Variants in BRD8 observed in about 807,000 individuals in gnomAD.
BRD8 encodes the protein bromodomain-containing protein 8.
Under a neutral mutation model 143.1 loss-of-function variants are expected in BRD8, and 67 were observed. That is an observed-to-expected ratio of 0.47 (90% CI 0.38 to 0.57). The LOEUF (loss-of-function observed/expected upper bound fraction) is 0.57. BRD8 is among the 20% of genes least tolerant of loss of function. The probability of loss-of-function intolerance (pLI) is 0.00; values close to 1 mark genes in which losing one functional copy is unlikely to be tolerated. For synonymous variants in BRD8, 505 were observed against 517.1 expected (o/e 0.98, Z 0.32); for missense variants, 1,103 against 1,503.0 (o/e 0.73, Z 4.40).
chr5:138,177,756 A>C, intron 1 of BRD8, 89 bp from the exon 2 acceptor site: 1 of 740,554 alleles, frequency 1.4e-6, no homozygotes, highest in Non-Finnish European at 2.3e-6. Context: ...GAGGACTAAA[A>C]GCCTAATACA....
chr5:138,159,942 G>A lies in BRD8; in HGVS notation c.2532+127C>T, dbSNP rs866253029. 200 of 702,628 alleles carry A rather than the reference G, an allele frequency of 2.8e-4. 1 individual carries two copies. Among genetic ancestry groups the A allele is most frequent in the Middle Eastern group, 2.8e-3 (7 of 2,498 alleles). The allele number at this position is 702,628 out of a possible 1,614,324, so 43.5% of individuals were successfully genotyped here. ...TGGGTGCAAACCACCATCATTCTAA[G>A]ATCTATGTGTCTGTATATCATTGGA... On this transcript the variant is annotated intron_variant, in intron 19 of 26. Transcript: ENST00000254900.
At chr5:138,168,493 G>T in intron 8 of BRD8, 1 of 1,604,978 alleles carries the variant, frequency 6.2e-7, no homozygotes, top group Non-Finnish European at 8.5e-7. Context: ...GTAGGCAGGA[G>T]GCTGCCCTTC....
At chr5:138,165,716 ACT>A (rs1019841075) in intron 11 of BRD8, 110 bp downstream of exon 11, 3 of 1,169,796 alleles carry the variant, frequency 2.6e-6, no homozygotes, top group African/African-American at 3.3e-5. Flanking sequence ...AAAGAGCAAG[ACT>A]CTGTCTCCAA....
intron 2 of BRD8, chr5:138,177,312 C>G: frequency 3.9e-6 from 1 of 256,148 alleles, no homozygotes. Flanking sequence ...GGGGGATCAC[C>G]TGAGGTCAGG....
rs1752307557 is a variant in BRD8 at position 138,149,798 on chromosome 5, CT to C, written c.3121-2del. 2 of 1,593,416 alleles carry C rather than the reference CT, an allele frequency of 1.3e-6. No homozygotes were observed. The highest frequency in any genetic ancestry group is 1.7e-6 in the Non-Finnish European group (2 of 1,173,942). On this transcript the variant is annotated splice_acceptor_variant, in intron 22 of 26. Transcript: ENST00000254900. LOFTEE classifies it high-confidence loss of function. ...CTTTGGATTCTTGCTGAGCCTCCCC[CT>C]AGGAATGCCAGGAAACAGGAAACTT... is the stretch of plus-strand genomic sequence containing the variant.
Position 138,160,975 on chromosome 5 carries a change from C to G in BRD8, c.2343G>C (p.Gln781His), listed in dbSNP as rs1310842146. 1 of 1,614,030 alleles carries G rather than the reference C, an allele frequency of 6.2e-7. No individual in the cohort carries two copies. The change falls in exon 18 of 27, where the codon CAG becomes CAC. Residue 781 changes from glutamine to histidine, a missense_variant. Around this residue, in one of 7 missense-constraint regions of BRD8, gnomAD observed 64 missense variants for 211.3 expected, o/e 0.30. Transcript: ENST00000254900. ...EFQRDIMLMF[Q>H]NAVMYNSSDH... is the part of the protein sequence containing the mutation. ...CTGAGCTATTGTACATTACAGCATT[C>G]TGAAACATCAGCATAATGTCACGCT...
intron 1 of BRD8, 71 bp from the exon 2 acceptor site, chr5:138,177,738 C>T (rs1754476752): frequency 5.4e-6 from 5 of 926,164 alleles, no homozygotes; most frequent in Non-Finnish European, 5.0e-6. Context: ...CTCCAAAATC[C>T]CCAAAAAGAG....
In BRD8 at chr5:138,139,887, C is replaced by T; in HGVS notation, c.*187G>A. ...GCAACATTTATGGCATAAATCCAAA[C>T]CTCAGCTTCCCCTTTTTTTCTTTAT... On this transcript the variant is annotated 3_prime_UTR_variant, in exon 27 of 27. Transcript: ENST00000254900. The T allele has an allele frequency of 3.6e-6, 2 of 549,708 alleles. No homozygotes were observed. The highest frequency in any genetic ancestry group is 3.2e-6 in the Non-Finnish European group (1 of 310,732). The allele number at this position is 549,708 out of a possible 1,614,324, so 34.1% of individuals were successfully genotyped here.
intron 11 of BRD8, among the ~76,000 whole-genome samples, chr5:138,165,613 C>T (rs1295010389): frequency 6.6e-6 from 1 of 151,784 alleles, no homozygotes; most frequent in Non-Finnish European, 1.5e-5. Flanking sequence ...GTAGTCCCAG[C>T]TACTCAGGAG....
rs762681164 is a variant in BRD8, at chr5:138,165,864, C to G, written c.1242G>C (p.Glu414Asp). Reference sequence around the variant, plus strand: ...TGATGGCAATGATGTCTCCAACAGTCTCAAAATCCAGCTCTTCACCTGTGT... The same window carrying G: ...TGATGGCAATGATGTCTCCAACAGTGTCAAAATCCAGCTCTTCACCTGTGT... ...VSYTGEELDF[E>D]TVGDIIAIIE... The change falls in exon 11 of 27, where the codon GAG becomes GAC. Residue 414 changes from glutamate to aspartate, a missense_variant. This residue lies in a region of BRD8 where 53 missense variants were observed against 101.4 expected (regional missense o/e 0.52). Transcript: ENST00000254900. 1 of 1,614,026 alleles carries G rather than the reference C, an allele frequency of 6.2e-7. No individual in the cohort carries two copies. Among genetic ancestry groups the G allele is most frequent in the Non-Finnish European group, 8.5e-7 (1 of 1,180,032 alleles).
intron 19 of BRD8, 29 bp downstream of exon 19, chr5:138,160,040 G>A: frequency 2.6e-6 from 4 of 1,549,568 alleles, no homozygotes; most frequent in Non-Finnish European, 3.6e-6. Flanking sequence ...TGGAACACTG[G>A]CACACAGGTT....
intron 20 of BRD8, among the ~76,000 whole-genome samples, chr5:138,158,590 C>T (rs1752765584): frequency 6.6e-6 from 1 of 151,830 alleles, no homozygotes; most frequent in South Asian, 2.1e-4. Flanking sequence ...AGGCGTATGC[C>T]ACCACACCCG....
chr5:138,163,057 G>GACGGAAGA, intron 15 of BRD8, 73 bp downstream of exon 15: 2 of 549,778 alleles, frequency 3.6e-6, no homozygotes, highest in Non-Finnish European at 6.1e-6. Flanking sequence ...AGACAGGAAG[G>GACGGAAGA]AAGGAAGGAA....
chr5:138,147,067 G>A (rs1170395105), intron 23 of BRD8, among the ~76,000 whole-genome samples: 1 of 151,036 alleles, frequency 6.6e-6, no homozygotes, highest in African/African-American at 2.4e-5. Context: ...TCATACTTAA[G>A]GAGTTAAAGA....
intron 15 of BRD8, 119 bp downstream of exon 15, chr5:138,163,011 A>C: frequency 1.1e-6 from 1 of 895,248 alleles, no homozygotes; most frequent in Non-Finnish European, 1.7e-6. Context: ...GAAGGAAAGG[A>C]AAGGAAAGGA....
rs769157796 is a variant in BRD8 at position 138,166,568 on chromosome 5, G to A, written c.947C>T (p.Pro316Leu). ...QATIVMMPAL[P>L]APSSAPAVST... ...GACAGCCGGAGCAGAGGATGGTGCT[G>A]GCAGCGCAGGCATCATGACAATGGT... Residue 316 changes from proline to leucine, a missense_variant, in exon 10 of 27, where the codon CCA becomes CTA. By Grantham distance (98) the Pro-to-Leu change is moderately conservative. Around this residue, in one of 7 missense-constraint regions of BRD8, gnomAD observed 334 missense variants for 372.5 expected, o/e 0.90. Coordinates refer to ENST00000254900, the MANE Select transcript of BRD8 (RefSeq NM_139199.2). 1.9e-6 allele frequency: 3 copies of A among 1,613,952 alleles called. No homozygotes were observed. The South Asian group carries it at 3.3e-5, about 18-fold the overall frequency.
chr5:138,177,464 G>C, intron 2 of BRD8, 107 bp downstream of exon 2: 1 of 695,664 alleles, frequency 1.4e-6, no homozygotes, highest in Non-Finnish European at 2.5e-6. Flanking sequence ...AAAAAGAAAA[G>C]AAAGTCTACT....
In BRD8 at chr5:138,166,043, T is replaced by C. The variant is rs1425737955; in HGVS notation, c.1063A>G (p.Met355Val). 8.7e-6 allele frequency: 14 copies of C among 1,614,010 alleles called. No homozygotes were observed. Among genetic ancestry groups the C allele is most frequent in the African/African-American group, 2.7e-5 (2 of 74,920 alleles). ...VGDPHTVTVS[M>V]DSSEISMIIN... is the part of the protein sequence containing the mutation. ...ATCATGGATATTTCACTGCTGTCCA[T>C]GGAAACAGTCACAGTATGTGGATCC... The change falls in exon 11 of 27, where the codon ATG (methionine) becomes GTG (valine). Residue 355 changes from methionine to valine, a missense_variant. Coordinates refer to ENST00000254900, the MANE Select transcript of BRD8 (RefSeq NM_139199.2).
At chr5:138,156,867 C>G (rs987997994) in intron 20 of BRD8, 54 of 1,057,608 alleles carry the variant, frequency 5.1e-5, no homozygotes, top group Non-Finnish European at 5.6e-5. Flanking sequence ...CACACACACA[C>G]AGAACAAGCC....
Sources: gnomAD v4.1 joint callset for allele counts (sites outside exome capture counted in the v4.1 genomes callset) on GRCh38, gnomAD v4.1.1 for gene constraint, gnomAD v4.1.1 regional missense constraint, MANE v1.5 for transcripts, NCBI Gene and HGNC (gene_info 2026-07-23, HGNC 2026-07-21) for gene names.